Variants in PRKCQ observed in about 807,000 individuals in gnomAD.
PRKCQ encodes the protein protein kinase C theta, also known as protein kinase C theta type.
PRKCQ carries 41 observed loss-of-function variants against 91.2 expected under a neutral mutation model. The ratio of observed to expected loss-of-function variants is 0.45; its 90% confidence interval spans 0.35 to 0.58. The LOEUF (loss-of-function observed/expected upper bound fraction) is 0.58. PRKCQ is among the 20% of genes least tolerant of loss of function. The pLI, the probability that PRKCQ is intolerant of heterozygous loss-of-function variation, is 0.00. For missense variants in PRKCQ, 673 were observed against 896.5 expected, an observed-to-expected ratio of 0.75 and a Z score of 3.18; for synonymous variants, 307 against 316.9, an observed-to-expected ratio of 0.97 and a Z score of 0.33.
At chr10:6,456,836 T>TTATATTG in intron 14 of PRKCQ, 24 bp from the exon 15 acceptor site, 1 of 1,612,594 alleles carries the variant, frequency 6.2e-7, no homozygotes, top group Non-Finnish European at 8.5e-7. Flanking sequence ...GTGAAGCAAA[T>TTATATTG]CTCACATTAA....
chr10:6,416,197 T>C, the PRKCQ span, among the ~76,000 whole-genome samples: 2 of 148,258 alleles, frequency 1.3e-5, no homozygotes, highest in African/African-American at 4.9e-5. Flanking sequence ...AAGATTCTTC[T>C]TTTTTTAAAA....
the PRKCQ span, among the ~76,000 whole-genome samples, chr10:6,421,257 G>A: frequency 3.3e-5 from 5 of 152,180 alleles, no homozygotes; most frequent in African/African-American, 1.2e-4. The surrounding 1 kb of genome is among the most constrained non-coding windows in gnomAD (Gnocchi z 4.1). Context: ...GGCTAAGGGG[G>A]AAGGATCCCT....
intron 15 of PRKCQ, among the ~76,000 whole-genome samples, chr10:6,451,983 A>C (rs1834717110): frequency 6.6e-6 from 1 of 152,290 alleles, no homozygotes; most frequent in South Asian, 2.1e-4. Context: ...CGGAATGGGC[A>C]AAAACTGGAA....
chr10:6,401,618 A>T, the PRKCQ span, among the ~76,000 whole-genome samples: 6 of 151,774 alleles, frequency 4.0e-5, no homozygotes, highest in Admixed American at 3.9e-4. Flanking sequence ...TGGGGTTCTG[A>T]GCGCCAGCCA....
rs527687677 is a variant in PRKCQ, at chr10:6,447,108, T to C, written c.1648-5027A>G. Among the ~76,000 whole-genome samples, 17 of 152,268 alleles carry C rather than the reference T, an allele frequency of 1.1e-4. No homozygotes were observed. In the East Asian group the frequency reaches 1.2e-3, roughly 10 times the overall value. ...GATTTACTGAGTGTCTAGTGTGCCA[T>C]AGAAAGTATGATGTTTCCGGCTGGG... On this transcript the variant is annotated intron_variant, in intron 15 of 17. Coordinates refer to ENST00000263125, the MANE Select transcript of PRKCQ (RefSeq NM_006257.5).
chr10:6,415,811 T>C, the PRKCQ span, among the ~76,000 whole-genome samples: 16 of 151,452 alleles, frequency 1.1e-4, no homozygotes, highest in Middle Eastern at 3.2e-3. Context: ...AGTGGTGTGA[T>C]CTTGGCTCAC....
chr10:6,515,777 T>C (rs956085254), intron 1 of PRKCQ, among the ~76,000 whole-genome samples: 4 of 150,612 alleles, frequency 2.7e-5, no homozygotes, highest in African/African-American at 9.8e-5. Flanking sequence ...AATAGGGCTT[T>C]CTCATATAAG....
At chr10:6,462,762 T>G (rs541680266) in intron 13 of PRKCQ, among the ~76,000 whole-genome samples, 6 of 152,304 alleles carry the variant, frequency 3.9e-5, no homozygotes, top group African/African-American at 1.2e-4. Context: ...CCTAGCACTT[T>G]GGGAGGCCCA....
chr10:6,442,140 C>T, intron 15 of PRKCQ, 59 bp from the exon 16 acceptor site: 1 of 1,530,230 alleles, frequency 6.5e-7, no homozygotes, highest in South Asian at 1.2e-5. Flanking sequence ...AGTGACAACT[C>T]TTCCTGAGCG....
chr10:6,452,392 A>G (rs1213003151), intron 15 of PRKCQ, among the ~76,000 whole-genome samples: 1 of 152,120 alleles, frequency 6.6e-6, no homozygotes, highest in African/African-American at 2.4e-5. Context: ...TTCAAGGAGA[A>G]CTACAAACCA....
chr10:6,531,126 C>T (rs1839376898), intron 1 of PRKCQ, among the ~76,000 whole-genome samples: 1 of 152,078 alleles, frequency 6.6e-6, no homozygotes, highest in African/African-American at 2.4e-5. Context: ...AATGCAAATC[C>T]TGCAGCCCCA....
the PRKCQ span, among the ~76,000 whole-genome samples, chr10:6,413,681 T>C: frequency 1.2e-4 from 13 of 104,548 alleles, 3 homozygotes; most frequent in African/African-American, 5.7e-4. Context: ...ATGCCACTTG[T>C]GCACACACAC....
chr10:6,571,504 C>T (rs1490259392), intron 1 of PRKCQ, among the ~76,000 whole-genome samples: 1 of 152,164 alleles, frequency 6.6e-6, no homozygotes, highest in African/African-American at 2.4e-5. Flanking sequence ...ACATACTCCC[C>T]TTAAGAAAAT....
chr10:6,439,116 T>G (rs1418684908), intron 16 of PRKCQ, among the ~76,000 whole-genome samples: 1 of 152,266 alleles, frequency 6.6e-6, no homozygotes, highest in Non-Finnish European at 1.5e-5. Flanking sequence ...AGTCCAGATC[T>G]TTCTTGATGG....
intron 7 of PRKCQ, among the ~76,000 whole-genome samples, chr10:6,495,116 G>A (rs761190580): frequency 2.0e-5 from 3 of 152,098 alleles, no homozygotes; most frequent in South Asian, 2.1e-4. Context: ...CTCTGCTGAC[G>A]TCTCACTGGT....
At chr10:6,470,926 CAAA>C (rs5782901) in intron 12 of PRKCQ, among the ~76,000 whole-genome samples, 2 of 135,472 alleles carry the variant, frequency 1.5e-5, no homozygotes, top group Non-Finnish European at 1.6e-5. Context: ...GAGACTGTCG[CAAA>C]AAAAAAAAAA....
rs144069064 is a variant in PRKCQ at position 6,519,996 on chromosome 10, C to T, written c.-9-4852G>A. 3.2e-3 allele frequency among the ~76,000 whole-genome samples: 484 copies of T among 152,276 alleles called. 2 individuals are homozygous for T. Among genetic ancestry groups the T allele is most frequent in the Non-Finnish European group, 5.4e-3 (369 of 68,012 alleles). On this transcript the variant is annotated intron_variant, in intron 1 of 17. Coordinates refer to ENST00000263125, the MANE Select transcript of PRKCQ (RefSeq NM_006257.5). ...GCCAATAAAGTTCTTTTCTACTGTT[C>T]AGCCATCCTGGTGGTCTATTGTGTA...
intron 1 of PRKCQ, among the ~76,000 whole-genome samples, chr10:6,530,461 A>G (rs1275888330): frequency 6.6e-6 from 1 of 152,242 alleles, no homozygotes; most frequent in East Asian, 1.9e-4. Flanking sequence ...GTCCGCAGTG[A>G]GCTAACAGTT....
chr10:6,394,286 T>A, the PRKCQ span, among the ~76,000 whole-genome samples: 1 of 152,160 alleles, frequency 6.6e-6, no homozygotes, highest in Non-Finnish European at 1.5e-5. Flanking sequence ...AGTGGCCTGA[T>A]CTCCAGAGAC....
Sources: gnomAD v4.1 joint callset for allele counts (sites outside exome capture counted in the v4.1 genomes callset) on GRCh38, gnomAD v4.1.1 for gene constraint, Gnocchi (gnomAD v3.1) non-coding constraint, MANE v1.5 for transcripts, NCBI Gene and HGNC (gene_info 2026-07-23, HGNC 2026-07-21) for gene names.